NBEA: variants seen among roughly 807,000 people sequenced by gnomAD.
NBEA encodes the protein neurobeachin.
NBEA carries 44 observed loss-of-function variants against 343.4 expected under a neutral mutation model. The ratio of observed to expected loss-of-function variants is 0.13; its 90% CI spans 0.10 to 0.16. NBEA has a LOEUF of 0.16. Among genes scored for constraint, NBEA ranks in the 10% least tolerant of loss-of-function variants. The pLI is 1.00. For synonymous variants in NBEA, 1,175 were observed against 1,238.7 expected, an observed-to-expected ratio of 0.95 and a Z score of 1.08; for missense variants, 2,555 against 3,631.3, an observed-to-expected ratio of 0.70 and a Z score of 7.62.
At chr13:35,444,066 T>C (rs1014744370) in intron 39 of NBEA, among the ~76,000 whole-genome samples, 15 of 151,992 alleles carry the variant, frequency 9.9e-5, no homozygotes, top group African/African-American at 3.6e-4. Context: ...TTCTAGTGTG[T>C]ATCTATTACT....
intron 40 of NBEA, among the ~76,000 whole-genome samples, chr13:35,458,200 T>G (rs1188955083): frequency 6.6e-6 from 1 of 152,196 alleles, no homozygotes; most frequent in Non-Finnish European, 1.5e-5. Context: ...GGGTTTCAAT[T>G]TCTCCATATC....
At chr13:35,393,351 A>T (rs1566068463) in intron 38 of NBEA, among the ~76,000 whole-genome samples, 1 of 152,154 alleles carries the variant, frequency 6.6e-6, no homozygotes, top group African/African-American at 2.4e-5. Flanking sequence ...ATTAATTATA[A>T]GAAGTACAAT....
chr13:35,552,451 T>C (rs1478448572), intron 43 of NBEA, among the ~76,000 whole-genome samples: 2 of 152,206 alleles, frequency 1.3e-5, no homozygotes, highest in African/African-American at 4.8e-5. Context: ...GAAGCACTTA[T>C]ATAAAATACA....
chr13:35,380,183 AC>A (rs2041939721), intron 38 of NBEA, among the ~76,000 whole-genome samples: 1 of 151,506 alleles, frequency 6.6e-6, no homozygotes. Flanking sequence ...GGTGGCTCAC[AC>A]CTGTAATCCC....
chr13:35,649,557 T>A, intron 51 of NBEA, 98 bp from the exon 52 acceptor site: 1 of 1,004,582 alleles, frequency 1.0e-6, no homozygotes, highest in Non-Finnish European at 1.5e-6. Flanking sequence ...TGTGTGCTCG[T>A]GCTAGCCTTG....
intron 36 of NBEA, among the ~76,000 whole-genome samples, chr13:35,335,306 A>T (rs1239423887): frequency 6.6e-6 from 1 of 152,098 alleles, no homozygotes; most frequent in Non-Finnish European, 1.5e-5. Context: ...TTTGCTTAGG[A>T]TAGCTTTGGC....
At position 35,288,223 on chromosome 13, in the gene NBEA, T is replaced by G. The variant is rs564957980; in HGVS notation, c.5777-2166T>G. 5.4e-3 allele frequency among the ~76,000 whole-genome samples: 829 copies of G among 152,134 alleles called. 3 individuals are homozygous for G. Among genetic ancestry groups the G allele is most frequent in the Non-Finnish European group, 8.7e-3 (589 of 67,952 alleles). On this transcript the variant is annotated intron_variant, in intron 34 of 58. Transcript: ENST00000379939. The stretch of plus-strand genomic sequence containing the variant: ...GCATCAGTCAGTGGTTGTATTTTCA[T>G]TATCTCTAGTAAAACATTGAGTTTA...
intron 45 of NBEA, among the ~76,000 whole-genome samples, chr13:35,583,639 T>G (rs2153038160): frequency 6.6e-6 from 1 of 152,314 alleles, no homozygotes; most frequent in South Asian, 2.1e-4. Context: ...CTAGATCACC[T>G]CTGATAATCT....
intron 26 of NBEA, among the ~76,000 whole-genome samples, chr13:35,172,225 C>T (rs2070519304): frequency 6.6e-6 from 1 of 151,974 alleles, no homozygotes; most frequent in South Asian, 2.1e-4. Flanking sequence ...GGAACAAAGA[C>T]TTGGTTTAAG....
chr13:35,367,668 G>T (rs1195411003), intron 38 of NBEA, among the ~76,000 whole-genome samples: 1 of 151,082 alleles, frequency 6.6e-6, no homozygotes, highest in African/African-American at 2.4e-5. Flanking sequence ...AGGGAATAGA[G>T]TATTACACAA....
chr13:34,979,156 C>T (rs962932254), intron 1 of NBEA, among the ~76,000 whole-genome samples: 1 of 152,052 alleles, frequency 6.6e-6, no homozygotes, highest in Admixed American at 6.6e-5. Flanking sequence ...TATTGATACC[C>T]CACTGTGGTT....
chr13:35,028,884 G>A (rs2062105039), intron 1 of NBEA, among the ~76,000 whole-genome samples: 1 of 151,348 alleles, frequency 6.6e-6, no homozygotes, highest in South Asian at 2.1e-4. Flanking sequence ...GCCTTTTTGT[G>A]TCTGGTTCAT....
At chr13:34,985,644 A>T (rs760505313) in intron 1 of NBEA, among the ~76,000 whole-genome samples, 4 of 150,878 alleles carry the variant, frequency 2.7e-5, no homozygotes, top group Non-Finnish European at 5.9e-5. Context: ...CTCTGGTAGA[A>T]TTTGGTTGTG....
In NBEA at chr13:35,402,863, C is replaced by T. The variant is rs145972968; in HGVS notation, c.6180-29406C>T. Among the ~76,000 whole-genome samples the T allele has an allele frequency of 2.6e-3, 399 of 152,146 alleles. 4 individuals carry two copies. Among genetic ancestry groups the T allele is most frequent in the African/African-American group, 8.8e-3 (365 of 41,548 alleles). On this transcript the variant is annotated intron_variant, in intron 38 of 58. Transcript: ENST00000379939. Reference sequence around the variant, plus strand: ...AAATTGTCACCATGTTCTTAATTTACTATGTTGTATTTTCCTTTTTGGGCT... The same window carrying T: ...AAATTGTCACCATGTTCTTAATTTATTATGTTGTATTTTCCTTTTTGGGCT...
At chr13:35,367,988 T>A (rs2041220357) in intron 38 of NBEA, among the ~76,000 whole-genome samples, 1 of 151,484 alleles carries the variant, frequency 6.6e-6, no homozygotes, top group Admixed American at 6.6e-5. Context: ...ATTGTTAAAA[T>A]TTTCACCTTT....
At chr13:35,215,495 T>C (rs941780500) in intron 33 of NBEA, among the ~76,000 whole-genome samples, 2 of 151,752 alleles carry the variant, frequency 1.3e-5, no homozygotes, top group Non-Finnish European at 3.0e-5. Context: ...TATGAAATTA[T>C]AGGAAATGCA....
At chr13:35,337,075 T>C (rs2039305429) in intron 36 of NBEA, among the ~76,000 whole-genome samples, 1 of 151,960 alleles carries the variant, frequency 6.6e-6, no homozygotes, top group Non-Finnish European at 1.5e-5. Context: ...ATTTAGTTAG[T>C]ACAAAAGAAG....
intron 44 of NBEA, among the ~76,000 whole-genome samples, chr13:35,557,123 A>G (rs771202877): frequency 5.3e-5 from 8 of 152,120 alleles, no homozygotes; most frequent in Non-Finnish European, 7.4e-5. Context: ...TCAGTTTCCA[A>G]TGTAGCAGGC....
Position 35,086,279 on chromosome 13 carries a change from C to T in NBEA, c.1572-12018C>T, listed in dbSNP as rs116940694. Among the ~76,000 whole-genome samples, 256 of 152,138 alleles carry T rather than the reference C, an allele frequency of 1.7e-3. 1 individual carries two copies. The Middle Eastern group carries it at 0.017, about 10-fold the overall frequency. On this transcript the variant is annotated intron_variant, in intron 10 of 58. Transcript: ENST00000379939. ...AAGAGCCCGCATTGCCAAGTCAATC[C>T]TAAGCCGTTTTGGTAACATTTTAAG... is the stretch of plus-strand genomic sequence containing the variant.
Sources: gnomAD v4.1 joint callset for allele counts (sites outside exome capture counted in the v4.1 genomes callset) on GRCh38, gnomAD v4.1.1 for gene constraint, MANE v1.5 for transcripts, NCBI Gene and HGNC (gene_info 2026-07-23, HGNC 2026-07-21) for gene names.